The following SPG11 variants were observed in gnomAD, a reference collection of about 807,000 sequenced individuals.
SPG11 encodes the protein spatacsin.
In SPG11, 222 loss-of-function variants were observed where a neutral mutation model predicts 274.0. The observed-to-expected ratio is 0.81, with a 90% CI of 0.73 to 0.91. The LOEUF (loss-of-function observed/expected upper bound fraction) is 0.91, where lower values mean the gene tolerates loss of function less well. Ranked by LOEUF, SPG11 falls within the 40% of genes least tolerant of loss-of-function variation. The pLI, the probability that SPG11 is intolerant of heterozygous loss-of-function variation, is 0.00. For missense variants in SPG11, 3,114 were observed against 2,872.7 expected (o/e 1.08, Z -1.92); for synonymous variants, 1,144 against 1,039.7 (o/e 1.10, Z -1.93).
intron 19 of SPG11, among the ~76,000 whole-genome samples, chr15:44,606,819 A>C (rs1457848206): frequency 6.6e-6 from 1 of 152,222 alleles, no homozygotes; most frequent in South Asian, 2.1e-4. Flanking sequence ...TAAAAAAATT[A>C]AATCAGTCCA....
chr15:44,564,608 A>G lies in SPG11; in HGVS notation c.7090T>C (p.Leu2364=). ...QVILKGDFNY[L]EEFKQQRLLK... ...AACCTTTGCTGCTTAAATTCTTCCA[A>G]GTAATTAAAGTCTCCTTTAAGAATC... is the stretch of plus-strand genomic sequence containing the variant. Residue 2364 remains leucine, a synonymous_variant, in exon 39 of 40, where the codon TTG becomes CTG. Transcript: ENST00000261866. 6.2e-7 allele frequency: 1 copy of G among 1,613,936 alleles called. No individual in the cohort carries two copies. The highest frequency in any genetic ancestry group is 1.1e-5 in the South Asian group (1 of 91,080).
intron 20 of SPG11, among the ~76,000 whole-genome samples, chr15:44,602,152 GC>G (rs2083208561): frequency 6.6e-6 from 1 of 152,124 alleles, no homozygotes; most frequent in South Asian, 2.1e-4. Context: ...ACAAAATCAT[GC>G]CATCTGCAAA....
intron 23 of SPG11, 37 bp from the exon 24 acceptor site, chr15:44,596,980 A>G: frequency 6.2e-7 from 1 of 1,606,554 alleles, no homozygotes. Context: ...GGTCAAGAAA[A>G]AACAAAAAAC....
At chr15:44,636,924 T>TCAAAAAAAAAAAAA (rs1254303331) in intron 7 of SPG11, among the ~76,000 whole-genome samples, 13 of 10,492 alleles carry the variant, frequency 1.2e-3, no homozygotes, top group East Asian at 8.2e-3. Flanking sequence ...AGACTCCATC[T>TCAAAAAAAAAAAAA]CAAAAAAAAA....
chr15:44,649,548 AAACACTGACCACAAGGCAAATTCTT>A (rs2084703961), intron 6 of SPG11, among the ~76,000 whole-genome samples: 2 of 152,064 alleles, frequency 1.3e-5, no homozygotes, highest in Admixed American at 6.6e-5. Flanking sequence ...TTTGTCTTTA[AAACACTGACCACAAGGCAAATTCTT>A]ATAAGAGCAA....
intron 34 of SPG11, among the ~76,000 whole-genome samples, chr15:44,570,279 G>C (rs2082394060): frequency 6.6e-6 from 1 of 152,212 alleles, no homozygotes; most frequent in Non-Finnish European, 1.5e-5. Context: ...CTGACTAGGG[G>C]GTGGGATGGC....
intron 36 of SPG11, among the ~76,000 whole-genome samples, chr15:44,566,958 C>T (rs1282117350): frequency 6.6e-6 from 1 of 152,086 alleles, no homozygotes; most frequent in African/African-American, 2.4e-5. Flanking sequence ...CTACCTTGGC[C>T]TCCCAAAGTG....
At chr15:44,631,831 CAG>C (rs1307789491) in intron 8 of SPG11, among the ~76,000 whole-genome samples, 3 of 106,456 alleles carry the variant, frequency 2.8e-5, no homozygotes, top group Non-Finnish European at 5.3e-5. Context: ...TTTTTTGAGA[CAG>C]AGTCTCACTC....
chr15:44,589,423 G>T lies in SPG11; in HGVS notation c.4744-9C>A. The T allele has an allele frequency of 6.2e-7, 1 of 1,613,962 alleles. No individual in the cohort carries two copies. The highest frequency in any genetic ancestry group is 8.5e-7 in the Non-Finnish European group (1 of 1,179,850). On this transcript the variant is annotated splice_polypyrimidine_tract_variant and intron_variant, in intron 27 of 39. Transcript: ENST00000261866. ...GTGGCTGCTGTGTTAAGCTATGAAA[G>T]AAAAAGAGAAGCTTAGGGAAAGCAG...
chr15:44,645,117 G>T (rs144586856), intron 7 of SPG11, among the ~76,000 whole-genome samples: 1 of 152,082 alleles, frequency 6.6e-6, no homozygotes, highest in Non-Finnish European at 1.5e-5. Context: ...TAGCCAAAGC[G>T]ATCCTATGCA....
intron 20 of SPG11, among the ~76,000 whole-genome samples, chr15:44,603,816 C>T (rs771292287): frequency 6.6e-6 from 1 of 152,088 alleles, no homozygotes; most frequent in Non-Finnish European, 1.5e-5. Context: ...AATGTAAATG[C>T]CATGTAGATA....
At chr15:44,635,228 CA>C (rs1368470974) in intron 7 of SPG11, among the ~76,000 whole-genome samples, 1 of 151,614 alleles carries the variant, frequency 6.6e-6, no homozygotes, top group Non-Finnish European at 1.5e-5. Context: ...AAAACAAAAA[CA>C]AAAACAAAAG....
Position 44,584,268 on chromosome 15 carries a change from G to A in SPG11, c.5412C>T (p.Cys1804=). 6.2e-7 allele frequency: 1 copy of A among 1,613,948 alleles called. No homozygotes were observed. Among genetic ancestry groups the A allele is most frequent in the Non-Finnish European group, 8.5e-7 (1 of 1,179,878 alleles). ...LEELEKQIWL[C]RITQHTLGRN... ...TTCCAAGAGTGTGCTGGGTGATGCG[G>A]CACAGCCAGATCTGCTTCTCCAGCT... The change falls in exon 30 of 40, where the codon TGC becomes TGT. Residue 1804 remains cysteine (C), a synonymous_variant. Transcript: ENST00000261866.
At chr15:44,618,946 A>G (rs563252886) in intron 15 of SPG11, among the ~76,000 whole-genome samples, 58 of 152,288 alleles carry the variant, frequency 3.8e-4, no homozygotes, top group Non-Finnish European at 5.1e-4. Flanking sequence ...TTTCCCCTTT[A>G]ATCTGGTGGT....
intron 36 of SPG11, among the ~76,000 whole-genome samples, chr15:44,566,689 G>A (rs368069229): frequency 6.6e-6 from 1 of 152,024 alleles, no homozygotes. Flanking sequence ...CCTGCTGAGC[G>A]ACATACCCAC....
At position 44,620,242 on chromosome 15, in the gene SPG11, T is replaced by C; in HGVS notation, c.2782A>G (p.Asn928Asp). ...PLLTVDVINQ[N>D]TSCNNYMRNE... ...CTCATGTAGTTGTTACAGGAAGTAT[T>C]CTGGTTAATAACATCAACAGTCAGA... Residue 928 changes from asparagine to aspartate, a missense_variant, in exon 15 of 40, where the codon AAT becomes GAT. Transcript: ENST00000261866. 2 of 1,614,144 alleles carry C rather than the reference T, an allele frequency of 1.2e-6. No individual in the cohort carries two copies. Among genetic ancestry groups the C allele is most frequent in the African/African-American group, 1.3e-5 (1 of 75,058 alleles).
Position 44,629,303 on chromosome 15 carries a change from T to G in SPG11, c.1821A>C (p.Ser607=), listed in dbSNP as rs181229662. The part of the protein sequence containing the change: ...SYSEPQSKHF[S]EQLLNLTLSF... ...ACAGTGTAAGATTAAGCAATTGTTC[T>G]GAAAAGTGTTTGCTTTGGGGTTCAG... The change falls in exon 9 of 40, where the codon TCA becomes TCC. Residue 607 remains serine, a synonymous_variant. Coordinates refer to ENST00000261866, the MANE Select transcript of SPG11 (RefSeq NM_025137.4). 5.0e-6 allele frequency: 8 copies of G among 1,614,184 alleles called. No homozygotes were observed. Among genetic ancestry groups the G allele is most frequent in the Non-Finnish European group, 5.9e-6 (7 of 1,179,996 alleles).
chr15:44,577,127 C>A (rs1039443468), intron 30 of SPG11, among the ~76,000 whole-genome samples: 1 of 152,168 alleles, frequency 6.6e-6, no homozygotes, highest in Non-Finnish European at 1.5e-5. Flanking sequence ...TGTGCCCAGT[C>A]TGAACTGACT....
At chr15:44,647,796 T>G (rs2084649413) in intron 7 of SPG11, among the ~76,000 whole-genome samples, 1 of 152,196 alleles carries the variant, frequency 6.6e-6, no homozygotes, top group African/African-American at 2.4e-5. Flanking sequence ...TGGACTTTCT[T>G]TTTGAGGTGA....
Sources: allele counts gnomAD v4.1 joint callset (sites outside exome capture counted in the v4.1 genomes callset), GRCh38; gene constraint gnomAD v4.1.1; transcripts MANE v1.5; gene names NCBI Gene and HGNC (gene_info 2026-07-23, HGNC 2026-07-21).